SHISA9: variants seen among roughly 807,000 people sequenced by gnomAD.
SHISA9 encodes shisa family member 9.
In SHISA9, 13 loss-of-function variants were observed where a neutral mutation model predicts 38.0. The observed-to-expected ratio is 0.34, with a 90% CI of 0.22 to 0.54. The LOEUF is 0.54. SHISA9 is among the 20% of genes least tolerant of loss of function. The pLI, the probability that SHISA9 is intolerant of heterozygous loss-of-function variation, is 0.91. For synonymous variants in SHISA9, 275 were observed against 242.0 expected (o/e 1.14, Z -1.27); for missense variants, 538 against 575.8 (o/e 0.93, Z 0.67).
chr16:13,436,246 CGTAA>C, the SHISA9 span, among the ~76,000 whole-genome samples: 3 of 152,186 alleles, frequency 2.0e-5, no homozygotes, highest in African/African-American at 4.8e-5. Flanking sequence ...AAAAGGGTGT[CGTAA>C]AGAAACCAGC....
At chr16:13,358,434 C>T in the SHISA9 span, among the ~76,000 whole-genome samples, 20 of 152,204 alleles carry the variant, frequency 1.3e-4, no homozygotes, top group East Asian at 3.9e-3. Context: ...TCGCTGTGTC[C>T]ACGTGTTCTC....
chr16:13,506,520 A>G, the SHISA9 span, among the ~76,000 whole-genome samples: 3 of 152,174 alleles, frequency 2.0e-5, no homozygotes. Flanking sequence ...TTGCATGGAA[A>G]AGATAACTTG....
At chr16:13,447,363 T>C in the SHISA9 span, among the ~76,000 whole-genome samples, 2 of 152,222 alleles carry the variant, frequency 1.3e-5, no homozygotes, top group Non-Finnish European at 2.9e-5. Context: ...TACACATTCA[T>C]AGTGTTCCAA....
chr16:13,360,510 A>C, the SHISA9 span, among the ~76,000 whole-genome samples: 1 of 152,118 alleles, frequency 6.6e-6, no homozygotes, highest in Non-Finnish European at 1.5e-5. Flanking sequence ...TTCCCCCTTC[A>C]CTTGGCTCTC....
At chr16:12,974,661 A>T (rs937200164) in intron 2 of SHISA9, among the ~76,000 whole-genome samples, 7 of 151,556 alleles carry the variant, frequency 4.6e-5, no homozygotes, top group African/African-American at 1.5e-4. Flanking sequence ...AATTTTTATT[A>T]TTAGTAGAGC....
chr16:13,509,490 A>C, the SHISA9 span, among the ~76,000 whole-genome samples: 5 of 152,114 alleles, frequency 3.3e-5, no homozygotes, highest in Non-Finnish European at 7.4e-5. Context: ...GCCTCACATA[A>C]TTGCTGCAAA....
At chr16:13,451,503 A>G in the SHISA9 span, among the ~76,000 whole-genome samples, 1 of 152,326 alleles carries the variant, frequency 6.6e-6, no homozygotes, top group Admixed American at 6.5e-5. Flanking sequence ...GCTGTGATAG[A>G]GAATAAGGTG....
chr16:13,377,124 C>G, the SHISA9 span, among the ~76,000 whole-genome samples: 3 of 152,176 alleles, frequency 2.0e-5, no homozygotes, highest in African/African-American at 7.2e-5. Context: ...ACACTGCATA[C>G]CAGTGGTGGA....
At chr16:13,039,172 CT>C (rs1325199242) in intron 2 of SHISA9, among the ~76,000 whole-genome samples, 1 of 152,092 alleles carries the variant, frequency 6.6e-6, no homozygotes, top group Non-Finnish European at 1.5e-5. Flanking sequence ...GCCTCCCAAA[CT>C]GCTGGGATTA....
At chr16:13,159,959 T>C (rs1256095187) in intron 2 of SHISA9, among the ~76,000 whole-genome samples, 1 of 152,220 alleles carries the variant, frequency 6.6e-6, no homozygotes, top group Non-Finnish European at 1.5e-5. Flanking sequence ...CAACTAGCTA[T>C]CTGCTGTCAG....
chr16:13,228,359 G>A (rs966510609), intron 4 of SHISA9, among the ~76,000 whole-genome samples: 5 of 152,196 alleles, frequency 3.3e-5, no homozygotes, highest in Middle Eastern at 3.2e-3. Flanking sequence ...CCATCTGCAC[G>A]GATATGGACA....
chr16:13,554,136 G>T, the SHISA9 span, among the ~76,000 whole-genome samples: 4 of 151,936 alleles, frequency 2.6e-5, no homozygotes, highest in Admixed American at 1.3e-4. Flanking sequence ...ACAGGTTTTG[G>T]CTGGGCATCT....
At chr16:12,919,556 CT>C in intron 2 of SHISA9, among the ~76,000 whole-genome samples, 1 of 152,266 alleles carries the variant, frequency 6.6e-6, no homozygotes, top group African/African-American at 2.4e-5. Flanking sequence ...TCTTTCTATT[CT>C]TTCTCTTAAG....
chr16:13,197,687 A>G (rs1229678911), intron 2 of SHISA9: 1 of 152,244 alleles, frequency 6.6e-6, no homozygotes, highest in Non-Finnish European at 1.5e-5. Flanking sequence ...CAGAAGGGCA[A>G]GTCTTCATTC....
At chr16:13,475,097 T>A in the SHISA9 span, among the ~76,000 whole-genome samples, 2 of 151,920 alleles carry the variant, frequency 1.3e-5, no homozygotes, top group Non-Finnish European at 2.9e-5. Flanking sequence ...GAAAATGAAT[T>A]AGGAAGCTTT....
the SHISA9 span, among the ~76,000 whole-genome samples, chr16:13,416,966 A>G: frequency 4.4e-4 from 67 of 152,238 alleles, no homozygotes; most frequent in Non-Finnish European, 8.4e-4. Context: ...ATTTCTTAAA[A>G]TTACCTCTGG....
At chr16:12,981,233 GA>G (rs2072235984) in intron 2 of SHISA9, among the ~76,000 whole-genome samples, 6 of 152,226 alleles carry the variant, frequency 3.9e-5, no homozygotes. Context: ...GGGAACCCCA[GA>G]TACCAGAAAC....
At chr16:13,209,508 T>C (rs750607097) in intron 3 of SHISA9, among the ~76,000 whole-genome samples, 1 of 152,250 alleles carries the variant, frequency 6.6e-6, no homozygotes, top group Non-Finnish European at 1.5e-5. Flanking sequence ...CCCAGGCATA[T>C]AGATACTGTA....
the SHISA9 span, among the ~76,000 whole-genome samples, chr16:13,400,997 T>C: frequency 1.3e-5 from 2 of 152,210 alleles, no homozygotes. Flanking sequence ...ATTCTCCAGC[T>C]TAAGCATGCA....
Sources: allele counts gnomAD v4.1 joint callset (sites outside exome capture counted in the v4.1 genomes callset), GRCh38; gene constraint gnomAD v4.1.1; transcripts MANE v1.5; gene names NCBI Gene and HGNC (gene_info 2026-07-23, HGNC 2026-07-21).